The following PAMR1 variants were observed in gnomAD, a reference collection of about 807,000 sequenced individuals.
PAMR1 encodes the protein inactive serine protease PAMR1.
In PAMR1, 88 loss-of-function variants were observed where a neutral mutation model predicts 81.8. That is an observed-to-expected ratio of 1.08 (90% CI 0.91 to 1.28). The LOEUF is 1.28. Ranked by LOEUF, PAMR1 falls within the 50% of genes most tolerant of loss-of-function variation. The pLI is 0.00. For missense variants in PAMR1, 935 were observed against 919.7 expected (o/e 1.02, Z -0.21); for synonymous variants, 336 against 345.3 (o/e 0.97, Z 0.30).
rs541447499 is a variant in PAMR1 at position 35,472,949 on chromosome 11, C to T, written c.494+1681G>A. ...TGCCGGATTCAGATTTTAAAGGCTC[C>T]CTGCAGCCACTCTGCAGAGAGGAGA... On this transcript the variant is annotated intron_variant, in intron 4 of 10. Transcript: ENST00000619888. Among the ~76,000 whole-genome samples, 7 of 152,180 alleles carry T rather than the reference C, an allele frequency of 4.6e-5. No individual in the cohort carries two copies. In the South Asian group the frequency reaches 1.5e-3, roughly 32 times the overall value.
intron 1 of PAMR1, among the ~76,000 whole-genome samples, chr11:35,513,832 G>A (rs1018431730): frequency 6.6e-6 from 1 of 152,156 alleles, no homozygotes; most frequent in Non-Finnish European, 1.5e-5. Context: ...GGAGGTGGGA[G>A]CAAAGTCTCT....
intron 1 of PAMR1, among the ~76,000 whole-genome samples, chr11:35,504,087 T>A (rs1001872332): frequency 6.6e-6 from 1 of 152,194 alleles, no homozygotes; most frequent in Non-Finnish European, 1.5e-5. Context: ...CATGAGGGGA[T>A]GTTGAATTTT....
Position 35,432,038 on chromosome 11 carries a change from G to T in PAMR1, c.*318C>A. ...CAGATCTTCCCTGGTCAAGCTGATGGCATTCGTATAACTGAAAGTTGGGGA... is the reference window on the plus strand; with the variant it reads ...CAGATCTTCCCTGGTCAAGCTGATGTCATTCGTATAACTGAAAGTTGGGGA... On this transcript the variant is annotated 3_prime_UTR_variant, in exon 11 of 11. Coordinates refer to ENST00000619888, the MANE Select transcript of PAMR1 (RefSeq NM_001001991.3). The T allele has an allele frequency of 3.2e-6, 1 of 311,592 alleles. No individual in the cohort carries two copies. Among genetic ancestry groups the T allele is most frequent in the Non-Finnish European group, 6.0e-6 (1 of 166,476 alleles). 19.3% of individuals were successfully genotyped at this position (311,592 alleles called of 1,614,324 possible).
intron 2 of PAMR1, among the ~76,000 whole-genome samples, chr11:35,492,700 A>G (rs987769467): frequency 6.6e-6 from 1 of 152,098 alleles, no homozygotes; most frequent in African/African-American, 2.4e-5. Flanking sequence ...CCTGCCATAT[A>G]CTTCCGTAAT....
intron 7 of PAMR1, 135 bp downstream of exon 7, chr11:35,441,346 C>CA: frequency 1.5e-6 from 1 of 683,762 alleles, no homozygotes; most frequent in Admixed American, 2.4e-5. Flanking sequence ...TTTCCAACCT[C>CA]AGAGATATAT....
chr11:35,517,813 C>T (rs779446824), intron 1 of PAMR1, among the ~76,000 whole-genome samples: 1 of 152,170 alleles, frequency 6.6e-6, no homozygotes, highest in African/African-American at 2.4e-5. Context: ...TTGATATTGC[C>T]AACACCTATA....
chr11:35,529,969 C>T (rs1851439590), upstream of PAMR1: 1 of 152,234 alleles, frequency 6.6e-6, no homozygotes, highest in Admixed American at 6.5e-5. Flanking sequence ...TGTGAATCCA[C>T]AGGGAGAAAC....
At chr11:35,499,560 G>A (rs1010250809) in intron 1 of PAMR1, among the ~76,000 whole-genome samples, 19 of 152,062 alleles carry the variant, frequency 1.2e-4, no homozygotes, top group Admixed American at 7.9e-4. Flanking sequence ...CAGCAGATTC[G>A]TTCACCTCCG....
At position 35,511,810 on chromosome 11, in the gene PAMR1, G is replaced by A. The variant is rs533436200; in HGVS notation, c.73+13703C>T. 3.3e-5 allele frequency among the ~76,000 whole-genome samples: 5 copies of A among 152,076 alleles called. No individual in the cohort carries two copies. In the East Asian group the frequency reaches 5.8e-4, roughly 18 times the overall value. On this transcript the variant is annotated intron_variant, in intron 1 of 10. Transcript: ENST00000619888. Reference sequence around the variant, plus strand: ...TAAGCAGCACACAACATTCCTAACCGCTGGAGGATCTGACCACCGGCTCCA... The same window carrying A: ...TAAGCAGCACACAACATTCCTAACCACTGGAGGATCTGACCACCGGCTCCA...
At chr11:35,459,952 A>G (rs1265576843) in intron 6 of PAMR1, among the ~76,000 whole-genome samples, 1 of 152,244 alleles carries the variant, frequency 6.6e-6, no homozygotes, top group East Asian at 1.9e-4. Flanking sequence ...TATCTACTAC[A>G]TGGGAACATT....
chr11:35,510,538 T>TGAAG, intron 1 of PAMR1, among the ~76,000 whole-genome samples: 1 of 136,650 alleles, frequency 7.3e-6, no homozygotes, highest in East Asian at 2.2e-4. Context: ...GTTTGGAAAA[T>TGAAG]GAAGGAAAGT....
chr11:35,479,736 A>AG (rs1254337651), intron 3 of PAMR1, among the ~76,000 whole-genome samples: 1 of 152,238 alleles, frequency 6.6e-6, no homozygotes, highest in African/African-American at 2.4e-5. Context: ...AGAGGATAAA[A>AG]GAAGGGGCTC....
chr11:35,467,955 C>T (rs1417124308), intron 6 of PAMR1, 46 bp downstream of exon 6: 4 of 1,192,576 alleles, frequency 3.4e-6, no homozygotes, highest in African/African-American at 1.5e-5. Flanking sequence ...TCCTTCCATA[C>T]CAGCCCCATC....
At chr11:35,509,512 T>C (rs914655228) in intron 1 of PAMR1, among the ~76,000 whole-genome samples, 1 of 152,234 alleles carries the variant, frequency 6.6e-6, no homozygotes, top group Non-Finnish European at 1.5e-5. Flanking sequence ...CCTGTATGTA[T>C]GCTAAAGCAA....
Position 35,444,870 on chromosome 11 carries a change from T to C in PAMR1, c.821-3177A>G, listed in dbSNP as rs536796689. On this transcript the variant is annotated intron_variant, in intron 6 of 10. Transcript: ENST00000619888. ...ATTTTAAAATAGTTTTTTCTAATTCTGTGAAGAATGTCAATGCTAGTTTGA... is the reference window on the plus strand; with the variant it reads ...ATTTTAAAATAGTTTTTTCTAATTCCGTGAAGAATGTCAATGCTAGTTTGA... Among the ~76,000 whole-genome samples, 3 of 152,362 alleles carry C rather than the reference T, an allele frequency of 2.0e-5. No homozygotes were observed. In the East Asian group the frequency reaches 5.8e-4, roughly 29 times the overall value.
chr11:35,481,512 G>GT (rs1850390238), intron 3 of PAMR1, among the ~76,000 whole-genome samples: 2 of 42,218 alleles, frequency 4.7e-5, no homozygotes, highest in South Asian at 1.7e-3. Flanking sequence ...TTCTTGTTTT[G>GT]TTTGTTTGTT....
At chr11:35,520,122 T>C (rs1370423938) in intron 1 of PAMR1, among the ~76,000 whole-genome samples, 1 of 152,214 alleles carries the variant, frequency 6.6e-6, no homozygotes, top group African/African-American at 2.4e-5. Context: ...GGGATTCATT[T>C]CCTTAGGTAT....
intron 1 of PAMR1, among the ~76,000 whole-genome samples, chr11:35,512,467 C>T (rs1214707500): frequency 6.6e-6 from 1 of 152,148 alleles, no homozygotes; most frequent in African/African-American, 2.4e-5. Context: ...CTCTTTCCAA[C>T]ACAATAATTG....
intron 6 of PAMR1, among the ~76,000 whole-genome samples, chr11:35,447,970 C>G (rs1187273710): frequency 6.6e-6 from 1 of 152,138 alleles, no homozygotes; most frequent in Non-Finnish European, 1.5e-5. Flanking sequence ...GAATATTGGC[C>G]CCTAATCTCT....
Sources: allele counts gnomAD v4.1 joint callset (sites outside exome capture counted in the v4.1 genomes callset), GRCh38; gene constraint gnomAD v4.1.1; transcripts MANE v1.5; gene names NCBI Gene and HGNC (gene_info 2026-07-23, HGNC 2026-07-21).